Variants in RETNLB observed in about 807,000 individuals in gnomAD.
The protein encoded by RETNLB is resistin like beta.
A neutral mutation model predicts 6.8 loss-of-function variants in RETNLB; 11 were observed. The ratio of observed to expected loss-of-function variants is 1.62; its 90% CI spans 1.02 to 2.68. The LOEUF (loss-of-function observed/expected upper bound fraction) is 2.68, where lower values mean the gene tolerates loss of function less well. Among genes scored for constraint, RETNLB ranks in the 30% most tolerant of loss-of-function variants. The pLI, the probability that RETNLB is intolerant of heterozygous loss-of-function variation, is 0.00. For synonymous variants in RETNLB, 57 were observed against 54.2 expected, an observed-to-expected ratio of 1.05 and a Z score of -0.23; for missense variants, 146 against 135.7, an observed-to-expected ratio of 1.08 and a Z score of -0.38.
chr3:108,755,764 C>T lies in RETNLB; in HGVS notation c.*14G>A, dbSNP rs770084078. 22 of 1,612,182 alleles carry T rather than the reference C, an allele frequency of 1.4e-5. No homozygotes were observed. The highest frequency in any genetic ancestry group is 1.8e-5 in the Non-Finnish European group (21 of 1,178,554). On this transcript the variant is annotated 3_prime_UTR_variant, in exon 3 of 3. Transcript: ENST00000295755. ...TGTCATGGTCACAAAACTGAGTTCT[C>T]AGCCTCCTCCCTGTCAGGTCAGGTG...
chr3:108,757,044 A>T lies in RETNLB; in HGVS notation c.127+15T>A. ...CAAGGGTCAACCCCCCGCTTCCCCT[A>T]CCCCAGTCAGTTACCTAGACTGTTG... On this transcript the variant is annotated intron_variant, in intron 1 of 2. Coordinates refer to ENST00000295755, the MANE Select transcript of RETNLB (RefSeq NM_032579.3). 1.9e-6 allele frequency: 3 copies of T among 1,611,436 alleles called. No homozygotes were observed. Among genetic ancestry groups the T allele is most frequent in the Non-Finnish European group, 2.5e-6 (3 of 1,178,598 alleles).
At position 108,757,397 on chromosome 3, in the gene RETNLB, CAG is replaced by C; in HGVS notation, c.-214_-213del. 2.3e-6 allele frequency: 1 copy of C among 439,958 alleles called. No individual in the cohort carries two copies. The highest frequency in any genetic ancestry group is 4.0e-6 in the Non-Finnish European group (1 of 251,300). 27.3% of individuals were successfully genotyped at this position (439,958 alleles called of 1,614,324 possible). On this transcript the variant is annotated 5_prime_UTR_variant, in exon 1 of 3. Transcript: ENST00000295755. ...GAACAGATTTATTCACCAAAACATTCAGAGAAGGTCTACAAGGACTAGCCAGG... is the reference window on the plus strand; with the variant it reads ...GAACAGATTTATTCACCAAAACATTCAGAAGGTCTACAAGGACTAGCCAGG...
intron 1 of RETNLB, 141 bp from the exon 2 acceptor site, chr3:108,756,729 T>C (rs1945252858): frequency 1.5e-6 from 1 of 651,242 alleles, no homozygotes; most frequent in Non-Finnish European, 2.7e-6. Context: ...GTTAGTTTCC[T>C]CATTTTTAAA....
In RETNLB at chr3:108,757,237, A is replaced by C; in HGVS notation, c.-52T>G. On this transcript the variant is annotated 5_prime_UTR_variant, in exon 1 of 3. An upstream open reading frame in the 5' UTR loses its in-frame stop. Transcript: ENST00000295755. The stretch of plus-strand genomic sequence containing the variant: ...TGGGAGAAAAGATGGAAAGCAGCTT[A>C]GATCTCTGAGCTCCTGGGTGGTGGT... 1 of 1,578,874 alleles carries C rather than the reference A, an allele frequency of 6.3e-7. No individual in the cohort carries two copies. Among genetic ancestry groups the C allele is most frequent in the Non-Finnish European group, 8.6e-7 (1 of 1,161,912 alleles).
rs111718322 is a variant in RETNLB, at chr3:108,755,787, G to T, written c.327C>A (p.His109Gln). The T allele has an allele frequency of 1.2e-6, 2 of 1,613,992 alleles. No individual in the cohort carries two copies. Among genetic ancestry groups the T allele is most frequent in the South Asian group, 2.2e-5 (2 of 91,068 alleles). ...CTCAGCCTCCTCCCTGTCAGGTCAGGTGGCAGCAGCGGGCAGTGGTCCAGT... is the reference window on the plus strand; with the variant it reads ...CTCAGCCTCCTCCCTGTCAGGTCAGTTGGCAGCAGCGGGCAGTGGTCCAGT... Reference protein sequence around the residue: ...VVDWTTARCCHLT With the variant: ...VVDWTTARCCQLT The change falls in exon 3 of 3, where the codon CAC (histidine) becomes CAA (glutamine). Residue 109 changes from histidine to glutamine, a missense_variant. Coordinates refer to ENST00000295755, the MANE Select transcript of RETNLB (RefSeq NM_032579.3).
chr3:108,756,682 ACT>A, intron 1 of RETNLB, 94 bp from the exon 2 acceptor site: 1 of 894,654 alleles, frequency 1.1e-6, no homozygotes, highest in Non-Finnish European at 1.9e-6. Flanking sequence ...TGGAGGTGAC[ACT>A]GTGTCCAGAA....
intron 2 of RETNLB, among the ~76,000 whole-genome samples, 157 bp from the exon 3 acceptor site, chr3:108,756,062 G>A (rs1208593954): frequency 6.6e-6 from 1 of 152,178 alleles, no homozygotes; most frequent in South Asian, 2.1e-4. Context: ...TTCAAGAAAA[G>A]AAATACAGAA....
intron 2 of RETNLB, 29 bp from the exon 3 acceptor site, chr3:108,755,934 A>T (rs759527709): frequency 1.2e-6 from 2 of 1,613,932 alleles, no homozygotes; most frequent in Admixed American, 3.3e-5. Flanking sequence ...CACAGACATC[A>T]GAGCTCTTGG....
At chr3:108,756,251 G>A (rs145543627) in intron 2 of RETNLB, among the ~76,000 whole-genome samples, 2 of 152,142 alleles carry the variant, frequency 1.3e-5, no homozygotes, top group African/African-American at 2.4e-5. Flanking sequence ...ATGGGACAAT[G>A]GAGGAGAGGA....
Position 108,755,691 on chromosome 3 carries a change from G to T in RETNLB, c.*87C>A. The T allele has an allele frequency of 2.8e-6, 4 of 1,428,762 alleles. No individual in the cohort carries two copies. Among genetic ancestry groups the T allele is most frequent in the Non-Finnish European group, 3.9e-6 (4 of 1,024,686 alleles). 88.5% of individuals were successfully genotyped at this position (1,428,762 alleles called of 1,614,324 possible). ...AAGAATCAGGAATGGAACAAATGAA[G>T]TGGGACGTTTGAGTTAGATTTCTTG... On this transcript the variant is annotated 3_prime_UTR_variant, in exon 3 of 3. Transcript: ENST00000295755.
intron 1 of RETNLB, 181 bp from the exon 2 acceptor site, chr3:108,756,769 A>C (rs1368615394): frequency 1.7e-6 from 1 of 602,184 alleles, no homozygotes; most frequent in East Asian, 2.8e-5. Context: ...TTACCTCATA[A>C]AATGGTTGTG....
intron 2 of RETNLB, among the ~76,000 whole-genome samples, 172 bp from the exon 3 acceptor site, chr3:108,756,077 C>T (rs929123114): frequency 1.2e-4 from 18 of 152,168 alleles, no homozygotes; most frequent in Admixed American, 1.0e-3. Flanking sequence ...ACAGAAATCA[C>T]AGAAACAAAT....
chr3:108,756,432 G>T, intron 2 of RETNLB, 76 bp downstream of exon 2: 1 of 989,510 alleles, frequency 1.0e-6, no homozygotes, highest in Non-Finnish European at 1.6e-6. Context: ...CATGGGGGAA[G>T]ACGTAGGTGC....
At chr3:108,756,916 C>T (rs968627448) in intron 1 of RETNLB, 143 bp downstream of exon 1, 8 of 928,670 alleles carry the variant, frequency 8.6e-6, no homozygotes, top group Non-Finnish European at 1.3e-5. Context: ...AGACTTCAAA[C>T]ACGGGTAGGG....
intron 2 of RETNLB, 54 bp downstream of exon 2, chr3:108,756,454 C>T: frequency 8.5e-7 from 1 of 1,176,148 alleles, no homozygotes. Context: ...GGGAGATGGA[C>T]AGGGGAGGAT....
In RETNLB at chr3:108,755,698, G is replaced by A. The variant is rs1945243792; in HGVS notation, c.*80C>T. ...AGGAATGGAACAAATGAAGTGGGAC[G>A]TTTGAGTTAGATTTCTTGGTTGGGA... On this transcript the variant is annotated 3_prime_UTR_variant, in exon 3 of 3. Coordinates refer to ENST00000295755, the MANE Select transcript of RETNLB (RefSeq NM_032579.3). 23 of 1,495,550 alleles carry A rather than the reference G, an allele frequency of 1.5e-5. No individual in the cohort carries two copies. The East Asian group carries it at 1.8e-4, about 12-fold the overall frequency. 92.6% of individuals were successfully genotyped at this position (1,495,550 alleles called of 1,614,324 possible).
intron 1 of RETNLB, 58 bp from the exon 2 acceptor site, chr3:108,756,646 A>T: frequency 8.2e-7 from 1 of 1,215,342 alleles, no homozygotes; most frequent in Non-Finnish European, 1.2e-6. Flanking sequence ...TAATCCCCTT[A>T]TCCCCTTCCA....
At chr3:108,756,048 T>C in intron 2 of RETNLB, 143 bp from the exon 3 acceptor site, 2 of 825,984 alleles carry the variant, frequency 2.4e-6, no homozygotes, top group African/African-American at 1.7e-5. Context: ...TTTTGCGAGC[T>C]CATTTCAAGA....
At chr3:108,756,771 A>G in intron 1 of RETNLB, 183 bp from the exon 2 acceptor site, 1 of 600,996 alleles carries the variant, frequency 1.7e-6, no homozygotes, top group South Asian at 2.1e-5. Flanking sequence ...ACCTCATAAA[A>G]TGGTTGTGGG....
Sources: allele counts gnomAD v4.1 joint callset (sites outside exome capture counted in the v4.1 genomes callset), GRCh38; gene constraint gnomAD v4.1.1; transcripts MANE v1.5; gene names NCBI Gene and HGNC (gene_info 2026-07-23, HGNC 2026-07-21).